EPB41L3: variants seen among roughly 807,000 people sequenced by gnomAD.
The protein encoded by EPB41L3 is band 4.1-like protein 3.
In EPB41L3, 57 loss-of-function variants were observed where a neutral mutation model predicts 127.1. The observed-to-expected ratio is 0.45, with a 90% CI of 0.36 to 0.56. EPB41L3 has a LOEUF of 0.56. Ranked by LOEUF, EPB41L3 falls within the 20% of genes least tolerant of loss-of-function variation. EPB41L3 has a pLI of 0.00. For missense variants in EPB41L3, 1,273 were observed against 1,372.2 expected (o/e 0.93, Z 1.14); for synonymous variants, 572 against 549.5 (o/e 1.04, Z -0.57).
At chr18:5,408,273 C>CT (rs1208956534) in intron 14 of EPB41L3, among the ~76,000 whole-genome samples, 13,502 of 50,308 alleles carry the variant, frequency 0.27, 1,225 homozygotes, top group South Asian at 0.34. Flanking sequence ...TTTCTTTTTT[C>CT]TTTTTTTTTT....
chr18:5,430,932 T>C (rs898033634), intron 8 of EPB41L3, among the ~76,000 whole-genome samples: 3 of 152,110 alleles, frequency 2.0e-5, no homozygotes, highest in Admixed American at 6.6e-5. Context: ...AATAAATACA[T>C]GTGCACTCCC....
At chr18:5,442,388 A>T (rs1016749554) in intron 5 of EPB41L3, among the ~76,000 whole-genome samples, 1 of 152,174 alleles carries the variant, frequency 6.6e-6, no homozygotes, top group Non-Finnish European at 1.5e-5. Flanking sequence ...AGATGTCTTA[A>T]TTGTATAAAT....
At chr18:5,529,842 A>G (rs1023680597) in intron 1 of EPB41L3, among the ~76,000 whole-genome samples, 1 of 152,016 alleles carries the variant, frequency 6.6e-6, no homozygotes, top group African/African-American at 2.4e-5. Flanking sequence ...CATGAAGGCT[A>G]CTAGACATGG....
At chr18:5,535,149 G>A (rs190818051) in intron 1 of EPB41L3, among the ~76,000 whole-genome samples, 380 of 152,204 alleles carry the variant, frequency 2.5e-3, no homozygotes, top group Non-Finnish European at 4.7e-3. Context: ...AGAATCTGAT[G>A]ATGTGAAGTG....
intron 22 of EPB41L3, 154 bp from the exon 23 acceptor site, chr18:5,393,632 T>C: frequency 1.9e-6 from 1 of 522,190 alleles, no homozygotes; most frequent in South Asian, 2.9e-5. Flanking sequence ...ATTACATGCT[T>C]TCTCTTAAGT....
upstream of EPB41L3, among the ~76,000 whole-genome samples, chr18:5,545,811 A>C (rs912879543): frequency 2.0e-5 from 3 of 152,060 alleles, no homozygotes; most frequent in South Asian, 6.2e-4. Context: ...TTCCTGTCAG[A>C]AAGTGTTGCG....
intron 1 of EPB41L3, among the ~76,000 whole-genome samples, chr18:5,521,782 G>T (rs2093001204): frequency 6.6e-6 from 1 of 152,150 alleles, no homozygotes; most frequent in African/African-American, 2.4e-5. Flanking sequence ...GATTTTCTGG[G>T]ATTTTTGCTC....
chr18:5,551,048 G>T (rs2093956598), intron 3 of EPB41L3, among the ~76,000 whole-genome samples: 1 of 152,144 alleles, frequency 6.6e-6, no homozygotes, highest in African/African-American at 2.4e-5. Flanking sequence ...GCCAAGCTTT[G>T]GTGAATTAAC....
intron 1 of EPB41L3, among the ~76,000 whole-genome samples, chr18:5,490,060 C>T (rs539546266): frequency 2.6e-5 from 4 of 152,318 alleles, no homozygotes; most frequent in South Asian, 4.1e-4. Flanking sequence ...GGACACTGAA[C>T]GTGATAATAC....
In EPB41L3 at chr18:5,509,002, G is replaced by A. The variant is rs987999432; in HGVS notation, c.-11-19808C>T. Among the ~76,000 whole-genome samples the A allele has an allele frequency of 3.9e-5, 6 of 152,262 alleles. No individual in the cohort carries two copies. The South Asian group carries it at 1.0e-3, about 26-fold the overall frequency. On this transcript the variant is annotated intron_variant, in intron 1 of 22. Coordinates refer to ENST00000341928, the MANE Select transcript of EPB41L3 (RefSeq NM_012307.5). Reference sequence around the variant, plus strand: ...CTCATGGAAGTGTTACAAGACCAACGCAGCAGAGGCCAGCTTCAGAGGCCA... The same window carrying A: ...CTCATGGAAGTGTTACAAGACCAACACAGCAGAGGCCAGCTTCAGAGGCCA...
At chr18:5,419,996 T>C (rs2145012608) in intron 11 of EPB41L3, 119 bp from the exon 12 acceptor site, 3 of 1,552,740 alleles carry the variant, frequency 1.9e-6, no homozygotes, top group Non-Finnish European at 2.6e-6. Flanking sequence ...ACATGAACAA[T>C]ACCAACTATA....
intron 12 of EPB41L3, 147 bp downstream of exon 12, chr18:5,419,564 A>G: frequency 8.4e-7 from 1 of 1,189,886 alleles, no homozygotes; most frequent in Non-Finnish European, 1.2e-6. Context: ...AACAGCAATC[A>G]TAATTTAAAA....
At chr18:5,600,997 T>TA (rs1314979212) in intron 3 of EPB41L3, among the ~76,000 whole-genome samples, 1 of 152,136 alleles carries the variant, frequency 6.6e-6, no homozygotes, top group South Asian at 2.1e-4. Flanking sequence ...CAGTTAGAGA[T>TA]ACATTGTTGT....
intron 12 of EPB41L3, among the ~76,000 whole-genome samples, chr18:5,416,966 A>G (rs1343042252): frequency 2.0e-5 from 3 of 152,186 alleles, no homozygotes; most frequent in African/African-American, 7.2e-5. Flanking sequence ...CTATCTGATA[A>G]GTAGTTACAA....
chr18:5,593,411 A>C (rs2094505193), intron 3 of EPB41L3, among the ~76,000 whole-genome samples: 4 of 152,150 alleles, frequency 2.6e-5, no homozygotes, highest in Admixed American at 2.6e-4. Context: ...TAAAACCAGC[A>C]AGTTTTTATT....
chr18:5,510,081 T>C (rs147416807), intron 1 of EPB41L3, among the ~76,000 whole-genome samples: 115 of 152,334 alleles, frequency 7.5e-4, no homozygotes, highest in Non-Finnish European at 1.2e-3. Flanking sequence ...AGCTTTTCAT[T>C]TGAAGAAAGA....
intron 11 of EPB41L3, among the ~76,000 whole-genome samples, chr18:5,422,596 A>C (rs2077615055): frequency 6.6e-6 from 1 of 152,226 alleles, no homozygotes; most frequent in African/African-American, 2.4e-5. Flanking sequence ...AAATGAGAAG[A>C]CAGAGACCTA....
intron 1 of EPB41L3, among the ~76,000 whole-genome samples, chr18:5,523,726 G>A (rs957870538): frequency 9.2e-5 from 14 of 151,990 alleles, no homozygotes; most frequent in Admixed American, 9.2e-4. Flanking sequence ...CGGAGGATGT[G>A]GTGAACCGAG....
intron 1 of EPB41L3, among the ~76,000 whole-genome samples, chr18:5,503,035 A>G (rs2091873765): frequency 6.6e-6 from 1 of 152,206 alleles, no homozygotes; most frequent in Non-Finnish European, 1.5e-5. Context: ...TCACCTCTGG[A>G]TGGTTGACTC....
Sources: allele counts gnomAD v4.1 joint callset (sites outside exome capture counted in the v4.1 genomes callset), GRCh38; gene constraint gnomAD v4.1.1; transcripts MANE v1.5; gene names NCBI Gene and HGNC (gene_info 2026-07-23, HGNC 2026-07-21).